FGF6: variants seen among roughly 807,000 people sequenced by gnomAD.
FGF6 encodes FGF-6.
FGF6 carries 14 observed loss-of-function variants against 18.4 expected under a neutral mutation model. That is an observed-to-expected ratio of 0.76 (90% CI 0.50 to 1.19). The LOEUF (loss-of-function observed/expected upper bound fraction) is 1.19. FGF6 is among the 50% of genes most tolerant of loss of function. The pLI, the probability that FGF6 is intolerant of heterozygous loss-of-function variation, is 0.00. For missense variants in FGF6, 266 were observed against 271.6 expected, an observed-to-expected ratio of 0.98 and a Z score of 0.15; for synonymous variants, 125 against 116.7, an observed-to-expected ratio of 1.07 and a Z score of -0.46.
chr12:4,445,275 T>C lies in FGF6; in HGVS notation c.296A>G (p.Gln99Arg). Residue 99 changes from glutamine (Q) to arginine (R), a missense_variant, in exon 1 of 3, where the codon CAG becomes CGG. By Grantham distance (43) the Gln-to-Arg change is conservative. Transcript: ENST00000228837. This position sits in a 1 kb window ranked among gnomAD's most constrained non-coding sequence, Gnocchi z 5.5. The part of the protein sequence containing the change: ...YCNVGIGFHL[Q>R]VLPDGRISGT... ...GCTGATCCGGCCGTCGGGGAGCACC[T>C]GGAGGTGAAAGCCGATGCCCACGTT... is the stretch of plus-strand genomic sequence containing the variant. 6.2e-7 allele frequency: 1 copy of C among 1,614,026 alleles called. No individual in the cohort carries two copies. The highest frequency in any genetic ancestry group is 8.5e-7 in the Non-Finnish European group (1 of 1,180,026).
At chr12:4,440,424 C>T (rs998002240) in intron 2 of FGF6, among the ~76,000 whole-genome samples, 1 of 152,110 alleles carries the variant, frequency 6.6e-6, no homozygotes, top group African/African-American at 2.4e-5. Flanking sequence ...GCCATTTGTC[C>T]CTGTTCCTCC....
chr12:4,442,302 C>G (rs990959632), intron 2 of FGF6, among the ~76,000 whole-genome samples: 1 of 152,072 alleles, frequency 6.6e-6, no homozygotes, highest in African/African-American at 2.4e-5. Flanking sequence ...CTCTTCCCCG[C>G]TTTGTGGCGC....
chr12:4,445,251 C>T lies in FGF6; in HGVS notation c.320G>A (p.Ser107Asn), dbSNP rs1236384347. ...GTAGGGGTTCTCCTCGTGGGTCCCG[C>T]TGATCCGGCCGTCGGGGAGCACCTG... ...HLQVLPDGRISGTHEENPYSL... is the reference protein window; with the variant it reads ...HLQVLPDGRINGTHEENPYSL... The change falls in exon 1 of 3, where the codon AGC becomes AAC. Residue 107 changes from serine to asparagine, a missense_variant. Ser to Asn is a conservative substitution (Grantham distance 46, BLOSUM62 1). Transcript: ENST00000228837. The surrounding 1 kb of genome is among the most constrained non-coding windows in gnomAD (Gnocchi z 5.5). 4 of 1,613,036 alleles carry T rather than the reference C, an allele frequency of 2.5e-6. No homozygotes were observed. The highest frequency in any genetic ancestry group is 3.4e-6 in the Non-Finnish European group (4 of 1,179,730).
intron 2 of FGF6, among the ~76,000 whole-genome samples, chr12:4,443,852 C>G (rs1434975060): frequency 6.6e-6 from 1 of 152,168 alleles, no homozygotes; most frequent in East Asian, 1.9e-4. Flanking sequence ...TGTGGGTTTC[C>G]CTCTGGCCCA....
At chr12:4,443,628 G>A (rs139694835) in intron 2 of FGF6, among the ~76,000 whole-genome samples, 3 of 152,272 alleles carry the variant, frequency 2.0e-5, no homozygotes, top group East Asian at 1.9e-4. Context: ...GTACGTGATC[G>A]GAGACCAGAG....
At position 4,445,491 on chromosome 12, in the gene FGF6, A is replaced by C; in HGVS notation, c.80T>G (p.Phe27Cys). The change falls in exon 1 of 3, where the codon TTC (phenylalanine) becomes TGC (cysteine). Residue 27 changes from phenylalanine (F) to cysteine (C), a missense_variant. By Grantham distance (205) the Phe-to-Cys change is radical. Transcript: ENST00000228837. This position sits in a 1 kb window ranked among gnomAD's most constrained non-coding sequence, Gnocchi z 5.5. ...RLQGTLWALV[F>C]LGILVGMVVP... ...CACCATGCCCACTAGGATGCCTAGG[A>C]AGACGAGAGCCCACAGCGTGCCCTG... The C allele has an allele frequency of 6.2e-7, 1 of 1,613,206 alleles. No homozygotes were observed. Among genetic ancestry groups the C allele is most frequent in the Non-Finnish European group, 8.5e-7 (1 of 1,179,970 alleles).
intron 2 of FGF6, among the ~76,000 whole-genome samples, chr12:4,443,743 C>T (rs564511406): frequency 1.3e-5 from 2 of 152,310 alleles, no homozygotes; most frequent in African/African-American, 4.8e-5. Context: ...TTGCAGGGCG[C>T]GTGTCATGGA....
rs140756097 is a variant in FGF6 at position 4,444,534 on chromosome 12, A to G, written c.347-298T>C. ...TTGAATCTGGGCTTTCAGTGACATA[A>G]TTACTTGAGGTCCTTGACTTGAGTA... On this transcript the variant is annotated intron_variant, in intron 1 of 2. Transcript: ENST00000228837. Among the ~76,000 whole-genome samples, 13 of 152,316 alleles carry G rather than the reference A, an allele frequency of 8.5e-5. No homozygotes were observed. The East Asian group carries it at 2.5e-3, about 29-fold the overall frequency.
chr12:4,444,336 A>T, intron 1 of FGF6, 100 bp from the exon 2 acceptor site: 1 of 764,498 alleles, frequency 1.3e-6, no homozygotes, highest in Non-Finnish European at 2.2e-6. Flanking sequence ...TTCTCCTAGA[A>T]AGCCAGACTC....
At position 4,445,703 on chromosome 12, in the gene FGF6, A is replaced by T; in HGVS notation, c.-133T>A. Reference sequence around the variant, plus strand: ...ATGAAGGCTGCTGACATGAAACCAAAGCCTCCATCGGGCACTCGGGTTGAG... The same window carrying T: ...ATGAAGGCTGCTGACATGAAACCAATGCCTCCATCGGGCACTCGGGTTGAG... On this transcript the variant is annotated 5_prime_UTR_variant, in exon 1 of 3. Transcript: ENST00000228837. The surrounding 1 kb of genome is among the most constrained non-coding windows in gnomAD (Gnocchi z 5.5). The T allele has an allele frequency of 1.3e-6, 1 of 746,116 alleles. No individual in the cohort carries two copies. Among genetic ancestry groups the T allele is most frequent in the Non-Finnish European group, 2.1e-6 (1 of 470,478 alleles). The allele number at this position is 746,116 out of a possible 1,614,324, so 46.2% of individuals were successfully genotyped here.
At chr12:4,443,054 G>C (rs2137030707) in intron 2 of FGF6, among the ~76,000 whole-genome samples, 1 of 152,304 alleles carries the variant, frequency 6.6e-6, no homozygotes, top group South Asian at 2.1e-4. Context: ...ACCCGTGTGG[G>C]AGACCCACTG....
chr12:4,442,613 C>T (rs17183633), intron 2 of FGF6, among the ~76,000 whole-genome samples: 32,411 of 152,184 alleles, frequency 0.21, 3,714 homozygotes, highest in Middle Eastern at 0.28. Context: ...CCGGCTCTCC[C>T]GACCCTATGG....
At position 4,434,349 on chromosome 12, in the gene FGF6, G is replaced by T; in HGVS notation, c.493C>A (p.Pro165Thr). Reference protein sequence around the residue: ...EECKFRETLLPNNYNAYESDL... With the variant: ...EECKFRETLLTNNYNAYESDL... ...GACTCGTAGGCATTGTAATTGTTGG[G>T]CAGGAGGGTTTCTCTGAACTTGCAT... The change falls in exon 3 of 3, where the codon CCC becomes ACC. Residue 165 changes from proline to threonine, a missense_variant. Pro to Thr is a conservative substitution (Grantham distance 38). Transcript: ENST00000228837. The T allele has an allele frequency of 1.2e-6, 2 of 1,614,166 alleles. No individual in the cohort carries two copies. The highest frequency in any genetic ancestry group is 1.7e-6 in the Non-Finnish European group (2 of 1,180,026).
At chr12:4,441,405 G>C (rs1221374611) in intron 2 of FGF6, among the ~76,000 whole-genome samples, 1 of 152,204 alleles carries the variant, frequency 6.6e-6, no homozygotes. Flanking sequence ...AGCTGCACAG[G>C]GAGGATGAAG....
chr12:4,444,215 A>G lies in FGF6; in HGVS notation c.368T>C (p.Val123Ala), dbSNP rs1180612567. The stretch of plus-strand genomic sequence containing the variant: ...AAAGAGACTCACCACGCCTCGCTCC[A>G]CAGTGGAAATTTCCAGCAGGCCTGA... ...NPYSLLEISTVERGVVSLFGV... is the reference protein window; with the variant it reads ...NPYSLLEISTAERGVVSLFGV... The change falls in exon 2 of 3, where the codon GTG becomes GCG. Residue 123 changes from valine to alanine, a missense_variant. Transcript: ENST00000228837. The G allele has an allele frequency of 5.3e-5, 86 of 1,613,744 alleles. No homozygotes were observed. The highest frequency in any genetic ancestry group is 7.1e-5 in the Non-Finnish European group (84 of 1,179,730).
intron 2 of FGF6, among the ~76,000 whole-genome samples, chr12:4,435,101 G>C (rs1035128356): frequency 1.3e-5 from 2 of 151,984 alleles, no homozygotes; most frequent in Non-Finnish European, 2.9e-5. Flanking sequence ...TCTCAGTTTT[G>C]ACTTTGAGTC....
chr12:4,435,667 C>G (rs1252513401), intron 2 of FGF6, among the ~76,000 whole-genome samples: 1 of 152,126 alleles, frequency 6.6e-6, no homozygotes, highest in African/African-American at 2.4e-5. Context: ...AAAAAATGGC[C>G]CTTTCCATGC....
intron 2 of FGF6, among the ~76,000 whole-genome samples, chr12:4,437,189 A>G (rs934051920): frequency 1.3e-5 from 2 of 151,908 alleles, no homozygotes; most frequent in Admixed American, 1.3e-4. Flanking sequence ...TCCTGGGAAC[A>G]ATGCTTGCTA....
rs370482414 is a variant in FGF6 at position 4,445,409 on chromosome 12, C to G, written c.162G>C (p.Trp54Cys). 2 of 1,613,572 alleles carry G rather than the reference C, an allele frequency of 1.2e-6. No individual in the cohort carries two copies. Among genetic ancestry groups the G allele is most frequent in the Non-Finnish European group, 1.7e-6 (2 of 1,179,978 alleles). The change falls in exon 1 of 3, where the codon TGG becomes TGC. Residue 54 changes from tryptophan to cysteine, a missense_variant. Physicochemically the swap from Trp to Cys is radical, Grantham distance 215. Coordinates refer to ENST00000228837, the MANE Select transcript of FGF6 (RefSeq NM_020996.3). This position sits in a 1 kb window ranked among gnomAD's most constrained non-coding sequence, Gnocchi z 5.5. ...CGCGAGACCTGGACAGCAGGGTGCC[C>G]CAGCCCCTCGAGTCCAGCAGCGTGT... ...ANNTLLDSRG[W>C]GTLLSRSRAG...
Sources: gnomAD v4.1 joint callset for allele counts (sites outside exome capture counted in the v4.1 genomes callset) on GRCh38, gnomAD v4.1.1 for gene constraint, Gnocchi (gnomAD v3.1) non-coding constraint, MANE v1.5 for transcripts, NCBI Gene and HGNC (gene_info 2026-07-23, HGNC 2026-07-21) for gene names.